ITCH: variants seen among roughly 807,000 people sequenced by gnomAD.
ITCH encodes itchy E3 ubiquitin protein ligase, also known as E3 ubiquitin-protein ligase Itchy homolog.
In ITCH, 28 loss-of-function variants were observed where a neutral mutation model predicts 126.8. The observed-to-expected ratio is 0.22, with a 90% confidence interval of 0.16 to 0.30. The LOEUF is 0.30. ITCH is among the 10% of genes least tolerant of loss of function. The pLI is 1.00. For missense variants in ITCH, 631 were observed against 1,032.4 expected (o/e 0.61, Z 5.33); for synonymous variants, 342 against 340.0 (o/e 1.01, Z -0.06).
chr20:34,456,180 G>GTGTGTGTGTGTC (rs1985914612), intron 12 of ITCH, among the ~76,000 whole-genome samples: 1 of 44,140 alleles, frequency 2.3e-5, no homozygotes, highest in African/African-American at 1.5e-4. Flanking sequence ...GTGTGTGTGT[G>GTGTGTGTGTGTC]TGTGTATATA....
At chr20:34,440,493 GTC>G in intron 9 of ITCH, 149 bp downstream of exon 9, 1 of 692,726 alleles carries the variant, frequency 1.4e-6, no homozygotes, top group Non-Finnish European at 2.5e-6. Flanking sequence ...GGAGTGCTCT[GTC>G]TCCCAGACTG....
At chr20:34,429,078 T>G (rs1981939776) in intron 7 of ITCH, among the ~76,000 whole-genome samples, 1 of 151,886 alleles carries the variant, frequency 6.6e-6, no homozygotes, top group Non-Finnish European at 1.5e-5. Context: ...GCTGGGATTA[T>G]AGGCATGCAC....
At chr20:34,402,666 C>T in intron 3 of ITCH, 3 of 554,918 alleles carry the variant, frequency 5.4e-6, no homozygotes, top group Non-Finnish European at 1.0e-5. Context: ...ACAGCACCAT[C>T]ACCCACAACA....
At chr20:34,481,008 T>G in intron 19 of ITCH, 58 bp from the exon 20 acceptor site, 1 of 1,567,252 alleles carries the variant, frequency 6.4e-7, no homozygotes, top group Non-Finnish European at 8.8e-7. Context: ...CGTTAAAAAC[T>G]TATAAATTAT....
At chr20:34,449,891 G>A (rs1984981905) in intron 12 of ITCH, among the ~76,000 whole-genome samples, 1 of 152,122 alleles carries the variant, frequency 6.6e-6, no homozygotes. Context: ...ACTAGAGATG[G>A]AGAACATATT....
chr20:34,396,038 T>TTA (rs1568887604), intron 3 of ITCH, among the ~76,000 whole-genome samples: 1 of 146,622 alleles, frequency 6.8e-6, no homozygotes, highest in African/African-American at 2.6e-5. Flanking sequence ...TATTATTATT[T>TTA]TTTTTTTTTT....
intron 15 of ITCH, among the ~76,000 whole-genome samples, chr20:34,470,893 T>G (rs1987558785): frequency 6.6e-6 from 1 of 152,242 alleles, no homozygotes; most frequent in South Asian, 2.1e-4. Context: ...ACACCAGCCA[T>G]TTTTATATCT....
At chr20:34,434,030 C>A (rs1982682834) in intron 7 of ITCH, among the ~76,000 whole-genome samples, 1 of 152,170 alleles carries the variant, frequency 6.6e-6, no homozygotes, top group African/African-American at 2.4e-5. Context: ...AATCACAGCA[C>A]TTTGGGAGGC....
At chr20:34,507,154 G>A (rs938812533) in intron 24 of ITCH, among the ~76,000 whole-genome samples, 4 of 151,252 alleles carry the variant, frequency 2.6e-5, no homozygotes, top group Admixed American at 1.3e-4. Context: ...GGGGAATCTC[G>A]CCATACTGTT....
intron 2 of ITCH, among the ~76,000 whole-genome samples, chr20:34,383,479 G>A (rs1312741840): frequency 6.7e-6 from 1 of 149,860 alleles, no homozygotes; most frequent in Non-Finnish European, 1.5e-5. Flanking sequence ...CAATTCTCCT[G>A]CCTCAGCCTC....
intron 6 of ITCH, among the ~76,000 whole-genome samples, chr20:34,423,784 A>G (rs1487136478): frequency 2.0e-5 from 3 of 152,024 alleles, no homozygotes; most frequent in Non-Finnish European, 2.9e-5. Flanking sequence ...TTGTATTTTT[A>G]GTAGAGACAG....
At chr20:34,373,352 T>C (rs1014493531) in intron 2 of ITCH, among the ~76,000 whole-genome samples, 1 of 151,850 alleles carries the variant, frequency 6.6e-6, no homozygotes, top group African/African-American at 2.4e-5. Context: ...CTTGGCTCAC[T>C]GCAACCTCCG....
chr20:34,407,364 T>C (rs1349516971), intron 3 of ITCH, among the ~76,000 whole-genome samples: 2 of 152,134 alleles, frequency 1.3e-5, no homozygotes, highest in African/African-American at 4.8e-5. Context: ...CCTCCCGGGT[T>C]CAAGCAATTC....
intron 14 of ITCH, among the ~76,000 whole-genome samples, chr20:34,468,789 T>C (rs1987333569): frequency 1.0e-5 from 1 of 98,326 alleles, no homozygotes; most frequent in Non-Finnish European, 2.2e-5. Context: ...AGACTCCATC[T>C]CAAAAAAAAA....
At chr20:34,443,871 A>G (rs1031072109) in intron 10 of ITCH, among the ~76,000 whole-genome samples, 4 of 152,108 alleles carry the variant, frequency 2.6e-5, no homozygotes, top group African/African-American at 9.7e-5. Flanking sequence ...CTGTAGTCCT[A>G]GTTAATCAGG....
Position 34,470,073 on chromosome 20 carries a change from G to A in ITCH, c.1450G>A (p.Val484Ile), listed in dbSNP as rs1161299955. 1 of 1,614,002 alleles carries A rather than the reference G, an allele frequency of 6.2e-7. No individual in the cohort carries two copies. Among genetic ancestry groups the A allele is most frequent in the Non-Finnish European group, 8.5e-7 (1 of 1,179,894 alleles). The stretch of plus-strand genomic sequence containing the variant: ...AGACAATGGACCTCAGATAGCCTAT[G>A]TTCGGGACTTCAAAGCAAAGGTTCA... ...ALDNGPQIAYVRDFKAKVQYF... is the reference protein window; with the variant it reads ...ALDNGPQIAYIRDFKAKVQYF... Residue 484 changes from valine to isoleucine, a missense_variant, in exon 15 of 25, where the codon GTT becomes ATT. Physicochemically the swap from Val to Ile is conservative, Grantham distance 29. This residue lies in a region of ITCH where 390 missense variants were observed against 731.6 expected (regional missense o/e 0.53). Transcript: ENST00000374864.
At position 34,412,577 on chromosome 20, in the gene ITCH, A is replaced by G; in HGVS notation, c.275A>G (p.Asp92Gly). The G allele has an allele frequency of 6.2e-7, 1 of 1,604,054 alleles. No homozygotes were observed. The highest frequency in any genetic ancestry group is 8.5e-7 in the Non-Finnish European group (1 of 1,170,978). Residue 92 changes from aspartate to glycine, a missense_variant, in exon 5 of 25, where the codon GAT becomes GGT. By Grantham distance (94) the Asp-to-Gly change is moderately conservative. Coordinates refer to ENST00000374864, the MANE Select transcript of ITCH (RefSeq NM_031483.7). ...TGGAGTCACCAGACACTGAAATCTG[A>G]TGTTTTGTTGGGAACTGCTGCATTA... ...RVWSHQTLKS[D>G]VLLGTAALDI... is the part of the protein sequence containing the mutation.
intron 2 of ITCH, among the ~76,000 whole-genome samples, chr20:34,379,744 G>A (rs13433351): frequency 2.0e-5 from 3 of 151,090 alleles, no homozygotes; most frequent in African/African-American, 7.3e-5. Flanking sequence ...ACAGGCACCC[G>A]CCACCACTCC....
chr20:34,449,936 G>T (rs1984986761), intron 12 of ITCH, among the ~76,000 whole-genome samples: 1 of 152,058 alleles, frequency 6.6e-6, no homozygotes, highest in Non-Finnish European at 1.5e-5. Context: ...GTGGGAAGTG[G>T]ATTCAAATAT....
Sources: gnomAD v4.1 joint callset for allele counts (sites outside exome capture counted in the v4.1 genomes callset) on GRCh38, gnomAD v4.1.1 for gene constraint, gnomAD v4.1.1 regional missense constraint, MANE v1.5 for transcripts, NCBI Gene and HGNC (gene_info 2026-07-23, HGNC 2026-07-21) for gene names.